LDB1: variants seen among roughly 807,000 people sequenced by gnomAD.
LDB1 encodes LIM domain binding 1, also known as LIM domain-binding protein 1.
In LDB1, 6 loss-of-function variants were observed where a neutral mutation model predicts 49.7. The ratio of observed to expected loss-of-function variants is 0.12; its 90% CI spans 0.07 to 0.24. The LOEUF is 0.24. Ranked by LOEUF, LDB1 falls within the 10% of genes least tolerant of loss-of-function variation. The pLI, the probability that LDB1 is intolerant of heterozygous loss-of-function variation, is 1.00. For missense variants in LDB1, 341 were observed against 561.7 expected (o/e 0.61, Z 3.97); for synonymous variants, 233 against 202.0 (o/e 1.15, Z -1.30).
In LDB1 at chr10:102,107,929, G is replaced by A. The variant is rs866499325; in HGVS notation, c.*164C>T. The A allele has an allele frequency of 3.0e-6, 2 of 676,450 alleles. No individual in the cohort carries two copies. The highest frequency in any genetic ancestry group is 5.1e-5 in the East Asian group (2 of 39,216). 41.9% of individuals were successfully genotyped at this position (676,450 alleles called of 1,614,324 possible). A position where few individuals can be genotyped will look rare whatever the true frequency, so the allele number is the denominator to read the frequency against. ...GGCCCAGCCCAGGGCCACTGGGGGGGCAAATCTTGGCACCTGCCCCCAGAG... is the reference window on the plus strand; with the variant it reads ...GGCCCAGCCCAGGGCCACTGGGGGGACAAATCTTGGCACCTGCCCCCAGAG... On this transcript the variant is annotated 3_prime_UTR_variant, in exon 11 of 11. Coordinates refer to ENST00000673968, the MANE Select transcript of LDB1 (RefSeq NM_001113407.3).
chr10:102,109,963 C>T lies in LDB1; in HGVS notation c.606G>A (p.Arg202=), dbSNP rs969856039. Residue 202 remains arginine, a synonymous_variant, in exon 7 of 11, where the codon CGG becomes CGA. Coordinates refer to ENST00000673968, the MANE Select transcript of LDB1 (RefSeq NM_001113407.3). The surrounding 1 kb of genome is among the most constrained non-coding windows in gnomAD (Gnocchi z 5.8). ...TGCGGGGGATGAGCTCTCGGTGCTG[C>T]CGGATGCTGAAGTGCCACGTCTTTA... is the stretch of plus-strand genomic sequence containing the variant. The part of the protein sequence containing the change: ...MRIKTWHFSI[R]QHRELIPRSI... 1.9e-6 allele frequency: 3 copies of T among 1,611,686 alleles called. No homozygotes were observed. The highest frequency in any genetic ancestry group is 1.7e-6 in the Non-Finnish European group (2 of 1,179,824).
At chr10:102,120,590 A>G (rs2068407092), upstream of LDB1, 1 of 170,260 alleles carries the variant, frequency 5.9e-6, no homozygotes, top group Non-Finnish European at 1.2e-5. Context: ...GCAGCAAGCG[A>G]CGACGTGCGT....
Position 102,109,143 on chromosome 10 carries a change from C to T in LDB1, c.891G>A (p.Arg297=). ...TGCTGCCCCCTGACATCTTCCGTTT[C>T]CGCCGTTTGCTGGGCTGCTGACGTG... ...EPTRQQPSKR[R]KRKMSGGSTM... The change falls in exon 10 of 11, where the codon CGG becomes CGA. Residue 297 remains arginine (R), a synonymous_variant. Coordinates refer to ENST00000673968, the MANE Select transcript of LDB1 (RefSeq NM_001113407.3). The surrounding 1 kb of genome is among the most constrained non-coding windows in gnomAD (Gnocchi z 5.8). 6.2e-7 allele frequency: 1 copy of T among 1,614,028 alleles called. No individual in the cohort carries two copies. Among genetic ancestry groups the T allele is most frequent in the Non-Finnish European group, 8.5e-7 (1 of 1,179,976 alleles).
intron 6 of LDB1, 105 bp from the exon 7 acceptor site, chr10:102,110,148 T>C: frequency 7.9e-7 from 1 of 1,266,782 alleles, no homozygotes; most frequent in Non-Finnish European, 1.1e-6. Context: ...TTGCATACAC[T>C]TTTGTCACCT....
chr10:102,109,566 G>C lies in LDB1; in HGVS notation c.732+34C>G, dbSNP rs1031375039. ...ACAGACATGGAGCCGAGACTAAATG[G>C]ACTGGGGCAGAAACTGGGTGGTCGG... On this transcript the variant is annotated intron_variant, in intron 8 of 10. Coordinates refer to ENST00000673968, the MANE Select transcript of LDB1 (RefSeq NM_001113407.3). The surrounding 1 kb of genome is among the most constrained non-coding windows in gnomAD (Gnocchi z 5.8). 7 of 1,613,924 alleles carry C rather than the reference G, an allele frequency of 4.3e-6. No homozygotes were observed. The African/African-American group carries it at 9.3e-5, about 22-fold the overall frequency.
chr10:102,106,416 G>C (rs1160808267), downstream of LDB1, among the ~76,000 whole-genome samples: 2 of 151,368 alleles, frequency 1.3e-5, no homozygotes, highest in East Asian at 1.9e-4. Context: ...ATAGTCTTAG[G>C]AACTGCAAGG....
At chr10:102,113,360 T>C (rs984903297) in intron 1 of LDB1, among the ~76,000 whole-genome samples, 2 of 152,154 alleles carry the variant, frequency 1.3e-5, no homozygotes, top group Non-Finnish European at 2.9e-5. Context: ...CCCAGGCAGA[T>C]TCAGATGCCC....
Position 102,107,756 on chromosome 10 carries a change from T to A in LDB1, c.*337A>T. 2.8e-6 allele frequency: 1 copy of A among 354,784 alleles called. No homozygotes were observed. The highest frequency in any genetic ancestry group is 5.3e-6 in the Non-Finnish European group (1 of 190,402). 22.0% of individuals were successfully genotyped at this position (354,784 alleles called of 1,614,324 possible). A position where few individuals can be genotyped will look rare whatever the true frequency, so the allele number is the denominator to read the frequency against. ...TAGACAACCCCAGGCTTGAAAGGGG[T>A]AAAGTCAGGGGGATGGGAAACCCAC... On this transcript the variant is annotated 3_prime_UTR_variant, in exon 11 of 11. Transcript: ENST00000673968.
At chr10:102,111,853 A>G (rs576619680) in intron 1 of LDB1, among the ~76,000 whole-genome samples, 1 of 152,240 alleles carries the variant, frequency 6.6e-6, no homozygotes, top group South Asian at 2.1e-4. Context: ...CCTGTCTCAA[A>G]AAGAAAAAGG....
chr10:102,109,083 G>A lies in LDB1; in HGVS notation c.951C>T (p.Ser317=). Reference sequence around the variant, plus strand: ...TAGCTGGGCTCTTCTTCTTGCTGTTGCTGTTGTTGGTGTTGCCACCACCAG... The same window carrying A: ...TAGCTGGGCTCTTCTTCTTGCTGTTACTGTTGTTGGTGTTGCCACCACCAG... ...MSSGGGNTNN[S]NSKKKSPAST... The change falls in exon 10 of 11, where the codon AGC becomes AGT. Residue 317 remains serine (S), a synonymous_variant. Coordinates refer to ENST00000673968, the MANE Select transcript of LDB1 (RefSeq NM_001113407.3). The surrounding 1 kb of genome is among the most constrained non-coding windows in gnomAD (Gnocchi z 5.8). The A allele has an allele frequency of 6.2e-7, 1 of 1,614,202 alleles. No homozygotes were observed. The highest frequency in any genetic ancestry group is 8.5e-7 in the Non-Finnish European group (1 of 1,180,034).
upstream of LDB1, chr10:102,120,545 GGGGA>G (rs779461771): frequency 2.5e-5 from 6 of 241,904 alleles, no homozygotes; most frequent in Admixed American, 2.6e-4. Context: ...GCTAGTGGGA[GGGGA>G]GAGCCGTGTC....
At chr10:102,110,740 G>T in intron 5 of LDB1, 39 bp from the exon 6 acceptor site, 1 of 1,599,070 alleles carries the variant, frequency 6.3e-7, no homozygotes, top group Non-Finnish European at 8.5e-7. Context: ...CAAAGGGACC[G>T]CAAAAGGGGC....
At position 102,110,629 on chromosome 10, in the gene LDB1, A is replaced by C. The variant is rs1204629069; in HGVS notation, c.425T>G (p.Val142Gly). The change falls in exon 6 of 11, where the codon GTT (valine) becomes GGT (glycine). Residue 142 changes from valine (V) to glycine (G), a missense_variant. Transcript: ENST00000673968. ...FEGGATELYY[V>G]LKHPKEAFHS... ...GAATGCCTCCTTGGGGTGCTTAAGA[A>C]CATAGTACAGCTCCGTAGCACCCCC... 6.2e-7 allele frequency: 1 copy of C among 1,614,024 alleles called. No homozygotes were observed.
rs952686591 is a variant in LDB1, at chr10:102,110,709, G to A, written c.353-8C>T. The stretch of plus-strand genomic sequence containing the variant: ...TCAGGGTCCGGCCAATGGCTGTAGA[G>A]ATGGGACAAACTCTTCAGGACAAAG... On this transcript the variant is annotated splice_region_variant and splice_polypyrimidine_tract_variant and intron_variant, in intron 5 of 10. Coordinates refer to ENST00000673968, the MANE Select transcript of LDB1 (RefSeq NM_001113407.3). 3.1e-6 allele frequency: 5 copies of A among 1,610,704 alleles called. No homozygotes were observed. In the Admixed American group the frequency reaches 5.0e-5, roughly 16 times the overall value.
intron 1 of LDB1, among the ~76,000 whole-genome samples, chr10:102,116,168 A>G (rs879621067): frequency 5.9e-5 from 9 of 152,176 alleles, no homozygotes; most frequent in Non-Finnish European, 8.8e-5. Context: ...ACTACCTGAT[A>G]CACATTTCAA....
intron 1 of LDB1, chr10:102,114,436 C>T: frequency 2.0e-6 from 2 of 986,196 alleles, no homozygotes; most frequent in South Asian, 4.7e-5. Flanking sequence ...AGGAGAGGTA[C>T]GGGGGAGCGA....
intron 1 of LDB1, among the ~76,000 whole-genome samples, chr10:102,113,858 G>A (rs1590286717): frequency 6.6e-6 from 1 of 151,824 alleles, no homozygotes; most frequent in Non-Finnish European, 1.5e-5. Context: ...AGGAGCTAGA[G>A]CCCAAAGCTC....
At chr10:102,110,405 G>A (rs535521306) in intron 6 of LDB1, 124 bp downstream of exon 6, 24 of 965,896 alleles carry the variant, frequency 2.5e-5, no homozygotes, top group African/African-American at 6.6e-5. Context: ...ATGCCTACCC[G>A]CCCTTCTTAT....
chr10:102,115,196 C>T (rs1397453823), intron 1 of LDB1, among the ~76,000 whole-genome samples: 1 of 152,114 alleles, frequency 6.6e-6, no homozygotes, highest in East Asian at 1.9e-4. Flanking sequence ...GGAGGAGAGG[C>T]CTGTGGGGGC....
Sources: allele counts gnomAD v4.1 joint callset (sites outside exome capture counted in the v4.1 genomes callset), GRCh38; gene constraint gnomAD v4.1.1; non-coding constraint Gnocchi (gnomAD v3.1); transcripts MANE v1.5; gene names NCBI Gene and HGNC (gene_info 2026-07-23, HGNC 2026-07-21).